KLHL32: variants seen among roughly 807,000 people sequenced by gnomAD.
KLHL32 encodes kelch like family member 32, also known as kelch-like protein 32.
In KLHL32, 35 loss-of-function variants were observed where a neutral mutation model predicts 64.8. That is an observed-to-expected ratio of 0.54 (90% CI 0.41 to 0.72). The LOEUF is 0.72. Among genes scored for constraint, KLHL32 ranks in the 30% least tolerant of loss-of-function variants. The pLI is 0.00. For missense variants in KLHL32, 589 were observed against 768.5 expected, an observed-to-expected ratio of 0.77 and a Z score of 2.76; for synonymous variants, 259 against 281.0, an observed-to-expected ratio of 0.92 and a Z score of 0.78.
intron 10 of KLHL32, among the ~76,000 whole-genome samples, chr6:97,134,004 C>CA (rs762531912): frequency 3.8e-4 from 56 of 148,900 alleles, no homozygotes; most frequent in East Asian, 3.5e-3. Flanking sequence ...TAGAACTTAA[C>CA]AAAAAAAAAC....
intron 6 of KLHL32, among the ~76,000 whole-genome samples, chr6:97,110,304 C>T (rs1329205022): frequency 6.6e-6 from 1 of 152,160 alleles, no homozygotes; most frequent in East Asian, 1.9e-4. Context: ...GCTTGTTTGA[C>T]CTCTACCGTG....
At chr6:96,994,737 G>A (rs1278030093) in intron 3 of KLHL32, 1 of 655,474 alleles carries the variant, frequency 1.5e-6, no homozygotes, top group Non-Finnish European at 1.9e-6. Context: ...TTTTCAGCCA[G>A]ATAATAATGC....
intron 3 of KLHL32, among the ~76,000 whole-genome samples, chr6:97,006,037 A>C (rs1328847998): frequency 1.3e-5 from 2 of 152,050 alleles, no homozygotes; most frequent in East Asian, 3.9e-4. Context: ...CATTTGGTCA[A>C]GTGCTGAGTA....
chr6:96,953,828 T>C (rs891045410), intron 1 of KLHL32, among the ~76,000 whole-genome samples: 4 of 149,982 alleles, frequency 2.7e-5, no homozygotes, highest in African/African-American at 9.8e-5. Flanking sequence ...TTTCCTGCAC[T>C]ACTTTTGTTT....
chr6:97,105,048 A>G (rs371578797), intron 6 of KLHL32, among the ~76,000 whole-genome samples: 1 of 152,230 alleles, frequency 6.6e-6, no homozygotes, highest in South Asian at 2.1e-4. Context: ...TTGCATGGCA[A>G]ATCGCAACAC....
intron 1 of KLHL32, among the ~76,000 whole-genome samples, chr6:96,948,152 G>A (rs555576784): frequency 6.6e-6 from 1 of 152,254 alleles, no homozygotes; most frequent in South Asian, 2.1e-4. Context: ...GAAAATCCCT[G>A]AAGTCTAGCT....
chr6:97,046,273 G>A (rs559059357), intron 4 of KLHL32, among the ~76,000 whole-genome samples: 9 of 152,270 alleles, frequency 5.9e-5, no homozygotes, highest in African/African-American at 2.2e-4. Flanking sequence ...AAGATGACAG[G>A]CCCAGGGAAA....
intron 8 of KLHL32, among the ~76,000 whole-genome samples, chr6:97,128,928 T>A (rs1799153148): frequency 1.3e-5 from 2 of 152,218 alleles, no homozygotes; most frequent in African/African-American, 4.8e-5. Context: ...AATACTGTAA[T>A]GGGTTGTTTC....
the KLHL32 span, among the ~76,000 whole-genome samples, chr6:96,903,129 AC>A: frequency 2.6e-5 from 4 of 152,292 alleles, no homozygotes; most frequent in African/African-American, 9.6e-5. Flanking sequence ...ACAAAAAAAA[AC>A]AGTTGGTTCC....
chr6:97,041,929 A>T (rs191234114), intron 4 of KLHL32, among the ~76,000 whole-genome samples: 1 of 152,208 alleles, frequency 6.6e-6, no homozygotes, highest in Non-Finnish European at 1.5e-5. Flanking sequence ...CGGTGACTCA[A>T]TCATGGCTTT....
chr6:96,981,008 G>A (rs549680273), intron 3 of KLHL32, among the ~76,000 whole-genome samples: 10 of 151,098 alleles, frequency 6.6e-5, no homozygotes, highest in Non-Finnish European at 8.8e-5. Context: ...GTGGTGGGGC[G>A]GGGGGGCAGG....
At chr6:96,951,134 G>GA (rs1772526315) in intron 1 of KLHL32, among the ~76,000 whole-genome samples, 2 of 149,722 alleles carry the variant, frequency 1.3e-5, no homozygotes, top group African/African-American at 2.5e-5. Context: ...TATTAATAAT[G>GA]GAAAAATATA....
intron 1 of KLHL32, among the ~76,000 whole-genome samples, chr6:96,960,200 T>C (rs932501484): frequency 4.6e-5 from 7 of 152,214 alleles, no homozygotes; most frequent in African/African-American, 1.4e-4. Flanking sequence ...GTCATCACCA[T>C]CGTTTCCTTT....
intron 3 of KLHL32, among the ~76,000 whole-genome samples, chr6:96,981,520 T>G (rs925126930): frequency 2.0e-5 from 3 of 152,146 alleles, no homozygotes; most frequent in Admixed American, 6.5e-5. Context: ...TCCATTGATC[T>G]TTTATATGAT....
chr6:96,898,650 AG>A, the KLHL32 span, among the ~76,000 whole-genome samples: 1 of 151,866 alleles, frequency 6.6e-6, no homozygotes, highest in African/African-American at 2.4e-5. Flanking sequence ...ATTCTTTTTA[AG>A]CCTCTGTGTA....
At chr6:96,973,537 C>T (rs569548167) in intron 2 of KLHL32, among the ~76,000 whole-genome samples, 6 of 152,210 alleles carry the variant, frequency 3.9e-5, no homozygotes, top group African/African-American at 1.4e-4. Flanking sequence ...CCAAAACTTT[C>T]AGTCACAGTA....
intron 5 of KLHL32, among the ~76,000 whole-genome samples, chr6:97,082,694 T>C (rs1291769508): frequency 6.6e-6 from 1 of 152,090 alleles, no homozygotes; most frequent in Non-Finnish European, 1.5e-5. Flanking sequence ...GACTGTGGGA[T>C]ATCCAAGAGA....
intron 3 of KLHL32, among the ~76,000 whole-genome samples, chr6:97,003,307 T>C (rs939412996): frequency 2.6e-5 from 4 of 152,200 alleles, no homozygotes; most frequent in Non-Finnish European, 5.9e-5. Flanking sequence ...TTTTAGAAAG[T>C]GTCTGTTCAT....
intron 5 of KLHL32, among the ~76,000 whole-genome samples, chr6:97,065,688 G>A (rs1178957624): frequency 6.6e-6 from 1 of 152,166 alleles, no homozygotes; most frequent in African/African-American, 2.4e-5. Flanking sequence ...ATATTAGTGA[G>A]CAGAAAAGTT....
Sources: gnomAD v4.1 joint callset for allele counts (sites outside exome capture counted in the v4.1 genomes callset) on GRCh38, gnomAD v4.1.1 for gene constraint, MANE v1.5 for transcripts, NCBI Gene and HGNC (gene_info 2026-07-23, HGNC 2026-07-21) for gene names.